Variants in QKI observed in about 807,000 individuals in gnomAD.
QKI encodes the protein QKI, KH domain containing RNA binding.
Under a neutral mutation model 39.0 loss-of-function variants are expected in QKI, and 10 were observed. The ratio of observed to expected loss-of-function variants is 0.26; its 90% CI spans 0.16 to 0.43. The LOEUF is 0.43. Ranked by LOEUF, QKI falls within the 20% of genes least tolerant of loss-of-function variation. The pLI, the probability that QKI is intolerant of heterozygous loss-of-function variation, is 1.00. For synonymous variants in QKI, 204 were observed against 155.4 expected (o/e 1.31, Z -2.33); for missense variants, 218 against 428.0 (o/e 0.51, Z 4.33).
chr6:163,415,861 G>T, intron 1 of QKI: 1 of 501,834 alleles, frequency 2.0e-6, no homozygotes, highest in Admixed American at 2.1e-5. Context: ...TTTCGTGGTT[G>T]GGGAGTTGGT....
intron 1 of QKI, chr6:163,423,690 C>A (rs575226276): frequency 4.6e-5 from 7 of 152,166 alleles, no homozygotes; most frequent in Non-Finnish European, 8.8e-5. Context: ...TTATTTTTAA[C>A]GATAACTTTC....
At chr6:163,423,602 AC>A (rs1318782269) in intron 1 of QKI, 1 of 152,238 alleles carries the variant, frequency 6.6e-6, no homozygotes, top group African/African-American at 2.4e-5. Flanking sequence ...GGTAAAGAAG[AC>A]AAACCAAATG....
rs1430092528 is a variant in QKI, at chr6:163,414,723, C to A, written c.-471C>A. The A allele has an allele frequency of 2.0e-5, 3 of 149,600 alleles. No homozygotes were observed. Among genetic ancestry groups the A allele is most frequent in the South Asian group, 3.7e-4 (2 of 5,372 alleles). The allele number at this position is 149,600 out of a possible 1,614,324, so 9.3% of individuals were successfully genotyped here. ...GGAGGAGGAAGAGGAGGAGCGCAGT[C>A]GGAGCGCGGCGGCAGCGGCAGAGGC... is the stretch of plus-strand genomic sequence containing the variant. On this transcript the variant is annotated 5_prime_UTR_variant, in exon 1 of 8. Transcript: ENST00000361752.
chr6:163,563,877 G>T (rs1172988363), intron 6 of QKI, 158 bp downstream of exon 6: 4 of 1,427,590 alleles, frequency 2.8e-6, no homozygotes, highest in Admixed American at 3.0e-5. Context: ...CTCTCATAAG[G>T]GTTCCCCTTT....
In QKI at chr6:163,563,388, T is replaced by C; in HGVS notation, c.635-32T>C. 5 of 1,546,560 alleles carry C rather than the reference T, an allele frequency of 3.2e-6. No homozygotes were observed. In the South Asian group the frequency reaches 6.2e-5, roughly 19 times the overall value. On this transcript the variant is annotated intron_variant, in intron 5 of 7. Coordinates refer to ENST00000361752, the MANE Select transcript of QKI (RefSeq NM_006775.3). The stretch of plus-strand genomic sequence containing the variant: ...TCCGTATTTTATACTGCTGTCTCTA[T>C]ACTTCTTTCTAAATTTCTTTGCTTA...
At chr6:163,544,529 TA>T (rs1562529280) in intron 4 of QKI, among the ~76,000 whole-genome samples, 1 of 152,104 alleles carries the variant, frequency 6.6e-6, no homozygotes, top group African/African-American at 2.4e-5. Flanking sequence ...GAACATCACT[TA>T]CACTTTGCGT....
At chr6:163,483,820 A>G (rs903759037) in intron 3 of QKI, among the ~76,000 whole-genome samples, 1 of 152,244 alleles carries the variant, frequency 6.6e-6, no homozygotes. Flanking sequence ...TGGCATTGAG[A>G]ATGGTGATTC....
chr6:163,415,381 C>A, intron 1 of QKI, 46 bp downstream of exon 1: 2 of 1,420,914 alleles, frequency 1.4e-6, no homozygotes, highest in Non-Finnish European at 9.4e-7. Flanking sequence ...CCCGCCGGGG[C>A]GGCCCCTTTC....
chr6:163,429,891 A>C (rs1788695977), intron 1 of QKI, among the ~76,000 whole-genome samples: 1 of 152,172 alleles, frequency 6.6e-6, no homozygotes, highest in African/African-American at 2.4e-5. Context: ...AAGTTATCTC[A>C]GTAGTTGGAA....
Position 163,572,384 on chromosome 6 carries a change from T to G in QKI, c.*1674T>G, listed in dbSNP as rs1051843172. On this transcript the variant is annotated 3_prime_UTR_variant, in exon 8 of 8. Transcript: ENST00000361752. Reference sequence around the variant, plus strand: ...AATGTTTTAAATCACCCAAATTTAATCACATGTCTTTATATCATACCAGAT... The same window carrying G: ...AATGTTTTAAATCACCCAAATTTAAGCACATGTCTTTATATCATACCAGAT... 2.6e-5 allele frequency: 4 copies of G among 152,224 alleles called. No homozygotes were observed. Among genetic ancestry groups the G allele is most frequent in the African/African-American group, 9.6e-5 (4 of 41,464 alleles). 9.4% of individuals were successfully genotyped at this position (152,224 alleles called of 1,614,324 possible).
chr6:163,568,764 T>C (rs570855196), intron 7 of QKI: 508 of 984,970 alleles, frequency 5.2e-4, no homozygotes, highest in Non-Finnish European at 5.7e-4. Context: ...TTGACCAATA[T>C]CTAGTTCTTT....
intron 3 of QKI, among the ~76,000 whole-genome samples, chr6:163,498,385 A>G (rs1778541416): frequency 6.6e-6 from 1 of 152,148 alleles, no homozygotes; most frequent in East Asian, 1.9e-4. Context: ...TTGGACAAAT[A>G]ATTCCTGTTT....
chr6:163,567,585 T>A (rs1440236786), intron 7 of QKI: 1 of 983,652 alleles, frequency 1.0e-6, no homozygotes, highest in Non-Finnish European at 1.2e-6. Context: ...TTACAACTTT[T>A]ATAATTTGTG....
chr6:163,542,010 T>G (rs562910322), intron 4 of QKI, among the ~76,000 whole-genome samples: 1 of 152,104 alleles, frequency 6.6e-6, no homozygotes, highest in African/African-American at 2.4e-5. Context: ...GCAAGTTCAA[T>G]TTGTGATCCC....
At chr6:163,490,311 G>A (rs980325530) in intron 3 of QKI, among the ~76,000 whole-genome samples, 3 of 152,100 alleles carry the variant, frequency 2.0e-5, no homozygotes, top group East Asian at 1.9e-4. Flanking sequence ...TACAATCTGC[G>A]GCAGCAGTTA....
rs538697632 is a variant in QKI at position 163,525,281 on chromosome 6, T to C, written c.403-9701T>C. ...CATCTTGTTTCCTTTTTTTTTTTTT[T>C]CCTGTTCTCTCTCTCTCTCTCCCCT... On this transcript the variant is annotated intron_variant, in intron 3 of 7. Transcript: ENST00000361752. Among the ~76,000 whole-genome samples, 28 of 120,906 alleles carry C rather than the reference T, an allele frequency of 2.3e-4. 2 individuals carry two copies. In the South Asian group the frequency reaches 5.7e-3, roughly 25 times the overall value. The allele number at this position is 120,906 out of a possible 152,430, so 79.3% of individuals were successfully genotyped here. A position where few individuals can be genotyped will look rare whatever the true frequency, so the allele number is the denominator to read the frequency against.
chr6:163,495,831 C>G (rs1778373517), intron 3 of QKI, among the ~76,000 whole-genome samples: 1 of 152,120 alleles, frequency 6.6e-6, no homozygotes. Context: ...CCTTCTCAGC[C>G]ATCACATTAG....
intron 4 of QKI, among the ~76,000 whole-genome samples, chr6:163,537,002 A>T (rs562199340): frequency 6.6e-6 from 1 of 152,246 alleles, no homozygotes; most frequent in African/African-American, 2.4e-5. Flanking sequence ...TGAGGTCAGG[A>T]GTTCGAGACC....
chr6:163,526,315 A>G (rs529930855), intron 3 of QKI, among the ~76,000 whole-genome samples: 4 of 152,328 alleles, frequency 2.6e-5, no homozygotes, highest in African/African-American at 7.2e-5. Context: ...TAAATATTCA[A>G]TTGAGTATTT....
Sources: allele counts gnomAD v4.1 joint callset (sites outside exome capture counted in the v4.1 genomes callset), GRCh38; gene constraint gnomAD v4.1.1; transcripts MANE v1.5; gene names NCBI Gene and HGNC (gene_info 2026-07-23, HGNC 2026-07-21).